Variants in CEMIP observed in about 807,000 individuals in gnomAD.
CEMIP encodes the protein cell migration-inducing and hyaluronan-binding protein.
A neutral mutation model predicts 156.9 loss-of-function variants in CEMIP; 105 were observed. The observed-to-expected ratio is 0.67, with a 90% CI of 0.57 to 0.79. The LOEUF is 0.79. CEMIP is among the 30% of genes least tolerant of loss of function. CEMIP has a pLI of 0.00. For missense variants in CEMIP, 1,457 were observed against 1,769.4 expected (o/e 0.82, Z 3.17); for synonymous variants, 676 against 668.4 (o/e 1.01, Z -0.17).
intron 1 of CEMIP, among the ~76,000 whole-genome samples, chr15:80,845,929 A>T (rs1267732756): frequency 1.3e-5 from 2 of 151,562 alleles, no homozygotes. Flanking sequence ...GATCTAGGAG[A>T]CTCCTCCTGA....
rs3736423 is a variant in CEMIP at position 80,924,627 on chromosome 15, A to G, written c.2209A>G (p.Met737Val). 6.2e-7 allele frequency: 1 copy of G among 1,614,150 alleles called. No individual in the cohort carries two copies. Among genetic ancestry groups the G allele is most frequent in the East Asian group, 2.2e-5 (1 of 44,882 alleles). Residue 737 changes from methionine (M) to valine (V), a missense_variant, in exon 18 of 30, where the codon ATG (methionine) becomes GTG (valine). Transcript: ENST00000394685. ...NRAHSNYRAG[M>V]IIDNGVKTTE... ...GAATATCTCTTCCCTGCAGGCTGGC[A>G]TGATCATAGACAACGGAGTCAAAAC...
chr15:80,794,229 A>G (rs1327599215), intron 1 of CEMIP, among the ~76,000 whole-genome samples: 2 of 152,184 alleles, frequency 1.3e-5, no homozygotes, highest in African/African-American at 4.8e-5. Context: ...CCTCACACAA[A>G]ATAACAGTGA....
In CEMIP at chr15:80,932,099, G is replaced by A; in HGVS notation, c.2793+60G>A. 6.3e-7 allele frequency: 1 copy of A among 1,581,502 alleles called. No homozygotes were observed. Among genetic ancestry groups the A allele is most frequent in the Non-Finnish European group, 8.6e-7 (1 of 1,161,028 alleles). On this transcript the variant is annotated intron_variant, in intron 22 of 29. Coordinates refer to ENST00000394685, the MANE Select transcript of CEMIP (RefSeq NM_001293298.2). This position sits in a 1 kb window ranked among gnomAD's most constrained non-coding sequence, Gnocchi z 4.5. ...CCAGACTTTGGATGGTGATTCACAA[G>A]TCCCCTGGGTCCCAGAGTTTGAGCT...
intron 10 of CEMIP, among the ~76,000 whole-genome samples, chr15:80,890,404 C>G (rs1320988240): frequency 6.6e-6 from 1 of 150,486 alleles, no homozygotes; most frequent in African/African-American, 2.5e-5. Flanking sequence ...TATGGTGAAA[C>G]CCCCTCTCGA....
At position 80,882,019 on chromosome 15, in the gene CEMIP, G is replaced by T. The variant is rs1234147081; in HGVS notation, c.617+883G>T. Reference sequence around the variant, plus strand: ...CTGGCCCTTTAGAGGGAAGGACAGAGGTGGGGTAGACAAACAGAGACAGAG... The same window carrying T: ...CTGGCCCTTTAGAGGGAAGGACAGATGTGGGGTAGACAAACAGAGACAGAG... On this transcript the variant is annotated intron_variant, in intron 6 of 29. Coordinates refer to ENST00000394685, the MANE Select transcript of CEMIP (RefSeq NM_001293298.2). Among the ~76,000 whole-genome samples, 3 of 152,212 alleles carry T rather than the reference G, an allele frequency of 2.0e-5. No individual in the cohort carries two copies. The East Asian group carries it at 5.8e-4, about 29-fold the overall frequency.
In CEMIP at chr15:80,779,538, G is replaced by A. The variant is rs994417778; in HGVS notation, c.-252G>A. Reference sequence around the variant, plus strand: ...GCCCCGGGAGCTCGCGGCGCCTGGCGGTCAGCGACCAGACGTCCGGGGCCG... The same window carrying A: ...GCCCCGGGAGCTCGCGGCGCCTGGCAGTCAGCGACCAGACGTCCGGGGCCG... On this transcript the variant is annotated 5_prime_UTR_variant, in exon 1 of 30. Transcript: ENST00000394685. 1.3e-5 allele frequency: 2 copies of A among 152,224 alleles called. No individual in the cohort carries two copies. The highest frequency in any genetic ancestry group is 2.9e-5 in the Non-Finnish European group (2 of 68,090). The allele number at this position is 152,224 out of a possible 1,614,324, so 9.4% of individuals were successfully genotyped here. A position where few individuals can be genotyped will look rare whatever the true frequency, so the allele number is the denominator to read the frequency against.
chr15:80,901,018 A>G, intron 12 of CEMIP: 1 of 439,220 alleles, frequency 2.3e-6, no homozygotes, highest in South Asian at 1.6e-5. Context: ...TGAATCATCT[A>G]AAAAAAAATT....
intron 25 of CEMIP, 149 bp downstream of exon 25, chr15:80,938,128 C>G (rs1901203972): frequency 3.0e-6 from 2 of 673,908 alleles, no homozygotes; most frequent in Non-Finnish European, 5.3e-6. Context: ...GCTGACTGTC[C>G]CATACATTAA....
At chr15:80,849,540 CA>C (rs1328629842) in intron 1 of CEMIP, among the ~76,000 whole-genome samples, 1 of 152,186 alleles carries the variant, frequency 6.6e-6, no homozygotes, top group Non-Finnish European at 1.5e-5. Flanking sequence ...CCAACTCTGC[CA>C]GTGACCTGAG....
Position 80,931,930 on chromosome 15 carries a change from T to C in CEMIP, c.2684T>C (p.Phe895Ser), listed in dbSNP as rs752589131. 3 of 1,614,128 alleles carry C rather than the reference T, an allele frequency of 1.9e-6. No individual in the cohort carries two copies. Among genetic ancestry groups the C allele is most frequent in the Non-Finnish European group, 2.5e-6 (3 of 1,180,058 alleles). The change falls in exon 22 of 30, where the codon TTT becomes TCT. Residue 895 changes from phenylalanine (F) to serine (S), a missense_variant. By Grantham distance (155) the Phe-to-Ser change is radical. This residue lies in a region of CEMIP where 798 missense variants were observed against 980.1 expected (regional missense o/e 0.81). Transcript: ENST00000394685. ...ATCCAAAACTGCACTTTCCGAAAGTTTGTGGCCCTGGAGGGCCGGCACACC... is the reference window on the plus strand; with the variant it reads ...ATCCAAAACTGCACTTTCCGAAAGTCTGTGGCCCTGGAGGGCCGGCACACC... ...INIQNCTFRKFVALEGRHTSA... is the reference protein window; with the variant it reads ...INIQNCTFRKSVALEGRHTSA...
intron 1 of CEMIP, among the ~76,000 whole-genome samples, chr15:80,825,907 G>A (rs1409940104): frequency 6.6e-6 from 1 of 152,194 alleles, no homozygotes; most frequent in Non-Finnish European, 1.5e-5. Flanking sequence ...TTATTGCCCA[G>A]GCAACAGAAA....
chr15:80,787,357 G>C (rs904302078), intron 1 of CEMIP, among the ~76,000 whole-genome samples: 6 of 152,238 alleles, frequency 3.9e-5, no homozygotes, highest in Admixed American at 2.0e-4. Context: ...AACTCTAGCA[G>C]AGGGAAGGGG....
intron 10 of CEMIP, among the ~76,000 whole-genome samples, chr15:80,894,669 C>T (rs542637933): frequency 6.6e-6 from 1 of 152,206 alleles, no homozygotes; most frequent in African/African-American, 2.4e-5. Context: ...AAGTGGCCAG[C>T]CCAGATCCTA....
At chr15:80,808,478 G>A (rs1596103380) in intron 1 of CEMIP, among the ~76,000 whole-genome samples, 1 of 152,136 alleles carries the variant, frequency 6.6e-6, no homozygotes, top group African/African-American at 2.4e-5. Context: ...GCTGACCTAT[G>A]AGATTCAGAG....
intron 6 of CEMIP, 36 bp from the exon 7 acceptor site, chr15:80,884,139 A>G (rs1280864610): frequency 6.2e-7 from 1 of 1,611,126 alleles, no homozygotes; most frequent in African/African-American, 1.3e-5. Context: ...GGCTGCGGTC[A>G]AGACTATTCA....
At chr15:80,823,154 G>A (rs546279464) in intron 1 of CEMIP, among the ~76,000 whole-genome samples, 20 of 152,326 alleles carry the variant, frequency 1.3e-4, no homozygotes, top group African/African-American at 3.6e-4. Context: ...ATGGAGAAAC[G>A]GTTTGTTTGA....
At chr15:80,943,755 G>A (rs1460915535) in intron 28 of CEMIP, among the ~76,000 whole-genome samples, 1 of 152,052 alleles carries the variant, frequency 6.6e-6, no homozygotes, top group Admixed American at 6.6e-5. Flanking sequence ...CTGCCACTCT[G>A]CCCCGGCCTT....
intron 14 of CEMIP, among the ~76,000 whole-genome samples, chr15:80,913,824 C>T (rs1900158194): frequency 6.6e-6 from 1 of 152,200 alleles, no homozygotes; most frequent in African/African-American, 2.4e-5. Context: ...GCCTTCTTTC[C>T]CTGTTTTGGA....
rs1218626926 is a variant in CEMIP, at chr15:80,937,303, G to A, written c.3221+418G>A. Among the ~76,000 whole-genome samples the A allele has an allele frequency of 5.3e-5, 8 of 152,178 alleles. No individual in the cohort carries two copies. In the South Asian group the frequency reaches 6.2e-4, roughly 12 times the overall value. ...CTCTGCGAGATAAAGTGTTGAGGCC[G>A]AGGGCATCTGGATAGGGCTTCATAT... On this transcript the variant is annotated intron_variant, in intron 24 of 29. Transcript: ENST00000394685.
Sources: allele counts gnomAD v4.1 joint callset (sites outside exome capture counted in the v4.1 genomes callset), GRCh38; gene constraint gnomAD v4.1.1; regional missense constraint gnomAD v4.1.1; non-coding constraint Gnocchi (gnomAD v3.1); transcripts MANE v1.5; gene names NCBI Gene and HGNC (gene_info 2026-07-23, HGNC 2026-07-21).